EVC2: variants seen among roughly 807,000 people sequenced by gnomAD.
EVC2 encodes the protein EvC ciliary complex subunit 2, also known as limbin.
A neutral mutation model predicts 149.3 loss-of-function variants in EVC2; 148 were observed. That is an observed-to-expected ratio of 0.99 (90% confidence interval 0.87 to 1.14). The LOEUF is 1.14. EVC2 is among the 50% of genes most tolerant of loss of function. EVC2 has a pLI of 0.00. For synonymous variants in EVC2, 776 were observed against 649.9 expected, an observed-to-expected ratio of 1.19 and a Z score of -2.95; for missense variants, 1,854 against 1,627.3, an observed-to-expected ratio of 1.14 and a Z score of -2.40.
At chr4:5,600,006 T>C (rs191484273) in intron 16 of EVC2, among the ~76,000 whole-genome samples, 176 of 152,338 alleles carry the variant, frequency 1.2e-3, no homozygotes, top group Non-Finnish European at 2.2e-3. Context: ...AAGATACTTC[T>C]ACCACCCCTA....
chr4:5,537,159 G>T, the EVC2 span, among the ~76,000 whole-genome samples: 1 of 152,216 alleles, frequency 6.6e-6, no homozygotes, highest in African/African-American at 2.4e-5. Flanking sequence ...CCCGCTTTCT[G>T]CCTTGGGAGA....
rs1722516481 is a variant in EVC2, at chr4:5,569,452, T to G, written c.3361-812A>C. 6.6e-6 allele frequency among the ~76,000 whole-genome samples: 1 copy of G among 152,206 alleles called. No individual in the cohort carries two copies. Among genetic ancestry groups the G allele is most frequent in the African/African-American group, 2.4e-5 (1 of 41,462 alleles). On this transcript the variant is annotated intron_variant, in intron 19 of 21. Coordinates refer to ENST00000344408, the MANE Select transcript of EVC2 (RefSeq NM_147127.5). This position sits in a 1 kb window ranked among gnomAD's most constrained non-coding sequence, Gnocchi z 4.8. The stretch of plus-strand genomic sequence containing the variant: ...AAAATTGAGTGAAACTCTCTGAAAC[T>G]CTATACTAGCTTTGTAACTTCTTGT...
intron 13 of EVC2, among the ~76,000 whole-genome samples, chr4:5,623,300 G>C (rs1461890145): frequency 6.6e-6 from 1 of 151,838 alleles, no homozygotes; most frequent in African/African-American, 2.4e-5. Flanking sequence ...CATGATGCCA[G>C]GCTAACTTTT....
chr4:5,626,171 A>C (rs191558908), intron 12 of EVC2, among the ~76,000 whole-genome samples: 261 of 152,212 alleles, frequency 1.7e-3, no homozygotes, highest in Middle Eastern at 3.4e-3. Flanking sequence ...CGAGAGGACC[A>C]CTCTGGTGCA....
intron 12 of EVC2, among the ~76,000 whole-genome samples, chr4:5,627,569 C>T (rs1716209497): frequency 1.3e-5 from 2 of 152,186 alleles, no homozygotes; most frequent in African/African-American, 4.8e-5. Context: ...CATAAGAAAG[C>T]CGCTTTATAG....
intron 4 of EVC2, 55 bp downstream of exon 4, chr4:5,691,210 C>G: frequency 6.6e-7 from 1 of 1,504,780 alleles, no homozygotes. Flanking sequence ...ATAAAATGAT[C>G]TGGGCAAAAT....
At chr4:5,672,619 G>C (rs757160529) in intron 7 of EVC2, among the ~76,000 whole-genome samples, 9 of 152,114 alleles carry the variant, frequency 5.9e-5, no homozygotes, top group Non-Finnish European at 2.9e-5. Context: ...AGCTCTGAGA[G>C]GCAATAGGTT....
chr4:5,634,796 A>C (rs1193395415), intron 10 of EVC2, among the ~76,000 whole-genome samples: 1 of 151,934 alleles, frequency 6.6e-6, no homozygotes, highest in Non-Finnish European at 1.5e-5. Context: ...CAAACAGGGG[A>C]GGTCATGTTT....
chr4:5,534,352 C>T, the EVC2 span, among the ~76,000 whole-genome samples: 2 of 152,030 alleles, frequency 1.3e-5, no homozygotes, highest in African/African-American at 4.8e-5. Flanking sequence ...ATTGGTTCAG[C>T]GAGTGAGTGG....
rs1716666177 is a variant in EVC2 at position 5,633,032 on chromosome 4, T to C, written c.1471-1000A>G. On this transcript the variant is annotated intron_variant, in intron 10 of 21. Transcript: ENST00000344408. The surrounding 1 kb of genome is among the most constrained non-coding windows in gnomAD (Gnocchi z 4.4). Reference sequence around the variant, plus strand: ...ATTAAGGTCACTAATCAGTTGACTTTGAATTAATCAAAAGGAAGACTCTCC... The same window carrying C: ...ATTAAGGTCACTAATCAGTTGACTTCGAATTAATCAAAAGGAAGACTCTCC... 6.6e-6 allele frequency among the ~76,000 whole-genome samples: 1 copy of C among 152,178 alleles called. No individual in the cohort carries two copies. The highest frequency in any genetic ancestry group is 2.1e-4 in the South Asian group (1 of 4,828).
intron 21 of EVC2, 74 bp from the exon 22 acceptor site, chr4:5,563,189 A>T: frequency 6.9e-7 from 1 of 1,439,826 alleles, no homozygotes; most frequent in South Asian, 1.1e-5. Flanking sequence ...GTTCTCCAAG[A>T]GAATCCCTCC....
intron 1 of EVC2, among the ~76,000 whole-genome samples, chr4:5,703,456 C>T (rs994685171): frequency 1.6e-4 from 24 of 152,090 alleles, no homozygotes; most frequent in Admixed American, 1.5e-3. Context: ...CAAGAGTACC[C>T]AATAAATATT....
intron 11 of EVC2, among the ~76,000 whole-genome samples, chr4:5,630,073 C>T (rs183971815): frequency 3.2e-3 from 486 of 152,300 alleles, no homozygotes; most frequent in African/African-American, 0.011. Flanking sequence ...AACGCCATGG[C>T]GTCTGAATAC....
intron 9 of EVC2, 120 bp downstream of exon 9, chr4:5,662,987 A>T: frequency 7.4e-7 from 1 of 1,353,648 alleles, no homozygotes; most frequent in Non-Finnish European, 1.0e-6. Flanking sequence ...TTGAATTATG[A>T]CTACAGAGTG....
chr4:5,586,737 G>A (rs572939733), intron 16 of EVC2, among the ~76,000 whole-genome samples: 5 of 152,058 alleles, frequency 3.3e-5, no homozygotes, highest in Non-Finnish European at 7.3e-5. Flanking sequence ...ATCGAATTAT[G>A]ATCTGGAAGC....
Position 5,694,511 on chromosome 4 carries a change from A to T in EVC2, c.284-10T>A, listed in dbSNP as rs1192584069. On this transcript the variant is annotated splice_polypyrimidine_tract_variant and intron_variant, in intron 2 of 21. Transcript: ENST00000344408. ...CCAAGTGGTGCTTCCACTGCAAAAC[A>T]ACAACACACCCGTTTTATATAATGC... 6.2e-7 allele frequency: 1 copy of T among 1,614,230 alleles called. No homozygotes were observed. Among genetic ancestry groups the T allele is most frequent in the South Asian group, 1.1e-5 (1 of 91,084 alleles).
At chr4:5,682,316 C>T (rs1375409802) in intron 6 of EVC2, among the ~76,000 whole-genome samples, 1 of 151,350 alleles carries the variant, frequency 6.6e-6, no homozygotes, top group Non-Finnish European at 1.5e-5. Context: ...TGTAGTGAAA[C>T]CCCATCTCTA....
chr4:5,582,572 A>C (rs185378082), intron 17 of EVC2, among the ~76,000 whole-genome samples: 149 of 152,332 alleles, frequency 9.8e-4, no homozygotes, highest in Non-Finnish European at 1.7e-3. Context: ...TGGACTTATA[A>C]TTGTCTCAGA....
At chr4:5,605,925 G>C (rs1671267822) in intron 16 of EVC2, among the ~76,000 whole-genome samples, 1 of 152,212 alleles carries the variant, frequency 6.6e-6, no homozygotes. Context: ...GTGCCACGGG[G>C]ACCTGTAGGT....
Sources: gnomAD v4.1 joint callset for allele counts (sites outside exome capture counted in the v4.1 genomes callset) on GRCh38, gnomAD v4.1.1 for gene constraint, Gnocchi (gnomAD v3.1) non-coding constraint, MANE v1.5 for transcripts, NCBI Gene and HGNC (gene_info 2026-07-23, HGNC 2026-07-21) for gene names.